LRRC28: variants seen among roughly 807,000 people sequenced by gnomAD.
LRRC28 encodes the protein leucine rich repeat containing 28.
LRRC28 carries 39 observed loss-of-function variants against 45.7 expected under a neutral mutation model. The ratio of observed to expected loss-of-function variants is 0.85; its 90% CI spans 0.66 to 1.12. LRRC28 has a LOEUF of 1.12. Ranked by LOEUF, LRRC28 falls within the 50% of genes most tolerant of loss-of-function variation. The pLI, the probability that LRRC28 is intolerant of heterozygous loss-of-function variation, is 0.00. For synonymous variants in LRRC28, 206 were observed against 178.8 expected, an observed-to-expected ratio of 1.15 and a Z score of -1.22; for missense variants, 435 against 438.5, an observed-to-expected ratio of 0.99 and a Z score of 0.07.
intron 6 of LRRC28, among the ~76,000 whole-genome samples, chr15:99,345,107 C>T (rs1299210192): frequency 1.3e-5 from 2 of 152,118 alleles, no homozygotes; most frequent in Non-Finnish European, 2.9e-5. Flanking sequence ...TCTCACTAAA[C>T]CTGAGGACAG....
In LRRC28 at chr15:99,322,323, G is replaced by T. The variant is rs373729312; in HGVS notation, c.386-11600G>T. ...ATCACTGGCTTCTGTGACATTGGAG[G>T]GGGTGAGAATAGAAGCAAGAAGACC... On this transcript the variant is annotated intron_variant, in intron 5 of 9. Coordinates refer to ENST00000301981, the MANE Select transcript of LRRC28 (RefSeq NM_144598.5). Among the ~76,000 whole-genome samples, 30 of 152,244 alleles carry T rather than the reference G, an allele frequency of 2.0e-4. No individual in the cohort carries two copies. The East Asian group carries it at 3.3e-3, about 17-fold the overall frequency.
At chr15:99,338,023 C>T (rs1956383822) in intron 6 of LRRC28, 1 of 152,222 alleles carries the variant, frequency 6.6e-6, no homozygotes, top group Admixed American at 6.5e-5. Context: ...GGCCTTGCTA[C>T]ATCTGGTATA....
intron 5 of LRRC28, among the ~76,000 whole-genome samples, chr15:99,325,419 T>C (rs867935845): frequency 6.6e-6 from 1 of 152,226 alleles, no homozygotes; most frequent in Non-Finnish European, 1.5e-5. Flanking sequence ...GCTTTTTGTT[T>C]GTTCAGTTTT....
At position 99,361,528 on chromosome 15, in the gene LRRC28, GT is replaced by G. The variant is rs1957202665; in HGVS notation, c.871+21del. ...TGCTGAAAGGTACGTGGGACTTCTG[GT>G]TTTCTTATTTTTCTCTCTCATTTAG... On this transcript the variant is annotated intron_variant, in intron 8 of 9. Coordinates refer to ENST00000301981, the MANE Select transcript of LRRC28 (RefSeq NM_144598.5). 6.4e-7 allele frequency: 1 copy of G among 1,557,030 alleles called. No individual in the cohort carries two copies. The highest frequency in any genetic ancestry group is 1.4e-5 in the African/African-American group (1 of 72,194).
intron 1 of LRRC28, among the ~76,000 whole-genome samples, chr15:99,252,422 A>C (rs1248032619): frequency 2.6e-5 from 4 of 152,222 alleles, no homozygotes; most frequent in African/African-American, 9.6e-5. Context: ...GAGGCAGCCA[A>C]TCCCAGCCAG....
At position 99,387,398 on chromosome 15, in the gene LRRC28, C is replaced by T. The variant is rs530337741; in HGVS notation, c.*1296C>T. On this transcript the variant is annotated 3_prime_UTR_variant, in exon 10 of 10. Transcript: ENST00000301981. ...TAACAGGATGATTCAAAGTACAGCC[C>T]GTGCACATTTACTTCGTCACCTGGT... The T allele has an allele frequency of 6.6e-6, 1 of 152,232 alleles. No individual in the cohort carries two copies. The highest frequency in any genetic ancestry group is 2.4e-5 in the African/African-American group (1 of 41,450). 9.4% of individuals were successfully genotyped at this position (152,232 alleles called of 1,614,324 possible).
At position 99,387,963 on chromosome 15, in the gene LRRC28, G is replaced by GT. The variant is rs1456530657; in HGVS notation, c.*1863dup. The stretch of plus-strand genomic sequence containing the variant: ...CCACGTAGAATGGAGAAGGCAGAAA[G>GT]TTACCGTGTGTTCCCACTGTATCTG... On this transcript the variant is annotated 3_prime_UTR_variant, in exon 10 of 10. Transcript: ENST00000301981. 2 of 152,216 alleles carry GT rather than the reference G, an allele frequency of 1.3e-5. No homozygotes were observed. The highest frequency in any genetic ancestry group is 3.8e-4 in the East Asian group (2 of 5,204). The allele number at this position is 152,216 out of a possible 1,614,324, so 9.4% of individuals were successfully genotyped here.
intron 6 of LRRC28, among the ~76,000 whole-genome samples, chr15:99,351,839 G>C (rs907873022): frequency 6.6e-6 from 1 of 152,204 alleles, no homozygotes; most frequent in African/African-American, 2.4e-5. Context: ...AAGAGATTGG[G>C]CCAGCTCTGA....
In LRRC28 at chr15:99,255,869, A is replaced by G. The variant is rs1201053687; in HGVS notation, c.-60-29A>G. On this transcript the variant is annotated intron_variant, in intron 1 of 9. Coordinates refer to ENST00000301981, the MANE Select transcript of LRRC28 (RefSeq NM_144598.5). ...GGCAATTCTTGTAAAAAATCTTACA[A>G]TGAATAAATTTTCTCGTTCTCTTTA... 5.7e-6 allele frequency: 8 copies of G among 1,415,698 alleles called. No individual in the cohort carries two copies. The East Asian group carries it at 1.2e-4, about 21-fold the overall frequency. The allele number at this position is 1,415,698 out of a possible 1,614,324, so 87.7% of individuals were successfully genotyped here. A position where few individuals can be genotyped will look rare whatever the true frequency, so the allele number is the denominator to read the frequency against.
At chr15:99,313,415 T>C (rs1327110877) in intron 5 of LRRC28, among the ~76,000 whole-genome samples, 2 of 152,076 alleles carry the variant, frequency 1.3e-5, no homozygotes, top group African/African-American at 4.8e-5. Context: ...AACAATTTTG[T>C]TGACCAACTT....
intron 5 of LRRC28, among the ~76,000 whole-genome samples, chr15:99,313,474 T>C (rs1955487026): frequency 6.6e-6 from 1 of 152,102 alleles, no homozygotes; most frequent in African/African-American, 2.4e-5. Context: ...ATTATTCTTT[T>C]GCAGCACACA....
At chr15:99,309,445 G>A (rs1313617816) in intron 5 of LRRC28, among the ~76,000 whole-genome samples, 2 of 152,086 alleles carry the variant, frequency 1.3e-5, no homozygotes, top group Admixed American at 6.6e-5. Context: ...GTCTCGCTCT[G>A]TCGCCAAGGC....
At chr15:99,334,475 C>T (rs1240787356) in intron 6 of LRRC28, among the ~76,000 whole-genome samples, 6 of 149,850 alleles carry the variant, frequency 4.0e-5, no homozygotes, top group African/African-American at 7.4e-5. Context: ...TAGCTAGCTA[C>T]GGGTCTTAAG....
chr15:99,323,355 G>A (rs543746971), intron 5 of LRRC28, among the ~76,000 whole-genome samples: 1 of 152,274 alleles, frequency 6.6e-6, no homozygotes, highest in Non-Finnish European at 1.5e-5. Flanking sequence ...TTCTTAGGAA[G>A]ATATGAATTC....
intron 9 of LRRC28, among the ~76,000 whole-genome samples, chr15:99,383,768 G>C (rs941839666): frequency 6.6e-6 from 1 of 152,112 alleles, no homozygotes; most frequent in African/African-American, 2.4e-5. Flanking sequence ...GAGATTTTCA[G>C]GAGGTGGCTG....
intron 9 of LRRC28, among the ~76,000 whole-genome samples, chr15:99,383,450 A>G (rs1029797529): frequency 7.2e-5 from 11 of 152,218 alleles, no homozygotes; most frequent in African/African-American, 2.7e-4. Flanking sequence ...AGACCTGGGA[A>G]GAATGGGGCC....
Position 99,325,074 on chromosome 15 carries a change from G to A in LRRC28, c.386-8849G>A, listed in dbSNP as rs1056643633. ...TTCAAATCTATAAACATGAAATATC[G>A]TTCTGTTTATTTAGATCTTCTTTAA... On this transcript the variant is annotated intron_variant, in intron 5 of 9. Transcript: ENST00000301981. 5.3e-5 allele frequency among the ~76,000 whole-genome samples: 8 copies of A among 152,034 alleles called. No homozygotes were observed. In the East Asian group the frequency reaches 5.8e-4, roughly 11 times the overall value.
Position 99,285,108 on chromosome 15 carries a change from G to A in LRRC28, c.210-2149G>A, listed in dbSNP as rs561739279. The A allele has an allele frequency of 6.8e-4, 479 of 707,240 alleles. 4 individuals are homozygous for A. The highest frequency in any genetic ancestry group is 6.1e-3 in the South Asian group (452 of 73,706). 43.8% of individuals were successfully genotyped at this position (707,240 alleles called of 1,614,324 possible). On this transcript the variant is annotated intron_variant, in intron 3 of 9. Transcript: ENST00000301981. ...ATTTCTGAGTGACAGTCTTATCCAC[G>A]AAGTCATGGTCATCAAAGGTTACAA...
chr15:99,342,660 A>G (rs1456978106), intron 6 of LRRC28, among the ~76,000 whole-genome samples: 1 of 152,168 alleles, frequency 6.6e-6, no homozygotes, highest in Non-Finnish European at 1.5e-5. Context: ...TGCCCAGCCC[A>G]TTCCTTGTGA....
Sources: gnomAD v4.1 joint callset for allele counts (sites outside exome capture counted in the v4.1 genomes callset) on GRCh38, gnomAD v4.1.1 for gene constraint, MANE v1.5 for transcripts, NCBI Gene and HGNC (gene_info 2026-07-23, HGNC 2026-07-21) for gene names.